ATF1: variants seen among roughly 807,000 people sequenced by gnomAD.
The protein encoded by ATF1 is cyclic AMP-dependent transcription factor ATF-1.
A neutral mutation model predicts 34.7 loss-of-function variants in ATF1; 16 were observed. That is an observed-to-expected ratio of 0.46 (90% CI 0.31 to 0.70). The LOEUF is 0.70. ATF1 is among the 30% of genes least tolerant of loss of function. ATF1 has a pLI of 0.05. For missense variants in ATF1, 255 were observed against 321.6 expected (o/e 0.79, Z 1.58); for synonymous variants, 105 against 113.1 (o/e 0.93, Z 0.46).
intron 1 of ATF1, among the ~76,000 whole-genome samples, chr12:50,772,747 T>G (rs1187619549): frequency 2.6e-5 from 4 of 151,950 alleles, no homozygotes; most frequent in Admixed American, 2.6e-4. Flanking sequence ...GGAGTGCGCC[T>G]AGCCTTTTTT....
intron 6 of ATF1, among the ~76,000 whole-genome samples, chr12:50,817,728 A>G (rs1941871715): frequency 6.6e-6 from 1 of 152,190 alleles, no homozygotes; most frequent in Admixed American, 6.5e-5. Flanking sequence ...TATAAAGAGA[A>G]AGAATTACGA....
In ATF1 at chr12:50,820,981, C is replaced by G. The variant is rs1320718819; in HGVS notation, c.*1202C>G. On this transcript the variant is annotated 3_prime_UTR_variant, in exon 7 of 7. Transcript: ENST00000262053. ...TTTTGTATGCAGTTTATCTAAAATT[C>G]AAAAATACTGTCAGTACACCAGCGT... 1 of 180,266 alleles carries G rather than the reference C, an allele frequency of 5.5e-6. No individual in the cohort carries two copies. The highest frequency in any genetic ancestry group is 6.3e-5 in the Admixed American group (1 of 15,918). The allele number at this position is 180,266 out of a possible 1,614,324, so 11.2% of individuals were successfully genotyped here.
intron 2 of ATF1, among the ~76,000 whole-genome samples, chr12:50,793,973 G>C (rs9739885): frequency 6.6e-6 from 1 of 151,124 alleles, no homozygotes; most frequent in Non-Finnish European, 1.5e-5. Flanking sequence ...TTTTTTGAGC[G>C]GGAGCCTCGC....
At chr12:50,764,815 A>AGCGGGCAACCGACGC (rs1940589254) in intron 1 of ATF1, among the ~76,000 whole-genome samples, 1 of 152,250 alleles carries the variant, frequency 6.6e-6, no homozygotes, top group Non-Finnish European at 1.5e-5. Context: ...CTTGCAGTCT[A>AGCGGGCAACCGACGC]GCGGGCAACC....
intron 3 of ATF1, among the ~76,000 whole-genome samples, chr12:50,806,922 C>G (rs1319484908): frequency 6.6e-6 from 1 of 152,180 alleles, no homozygotes; most frequent in Non-Finnish European, 1.5e-5. Flanking sequence ...TCCTGTGGAA[C>G]TTCTCTTAAT....
intron 1 of ATF1, among the ~76,000 whole-genome samples, chr12:50,770,986 ATTTTGCTTTAC>A (rs1940756019): frequency 6.6e-6 from 1 of 151,658 alleles, no homozygotes; most frequent in Admixed American, 6.6e-5. Flanking sequence ...AACTTTACTT[ATTTTGCTTTAC>A]TCTTTTTTTT....
At chr12:50,811,926 A>G (rs889819658) in intron 4 of ATF1, among the ~76,000 whole-genome samples, 2 of 152,230 alleles carry the variant, frequency 1.3e-5, no homozygotes, top group Non-Finnish European at 2.9e-5. Flanking sequence ...ATTTAGGGCA[A>G]CATAGGCCAA....
At chr12:50,806,510 C>T (rs547241147) in intron 3 of ATF1, 2 of 244,326 alleles carry the variant, frequency 8.2e-6, no homozygotes, top group Admixed American at 7.9e-5. Flanking sequence ...GCCTGCCCCA[C>T]CAGGAGGCTG....
intron 1 of ATF1, among the ~76,000 whole-genome samples, chr12:50,776,304 A>G (rs1482889208): frequency 9.6e-6 from 1 of 103,954 alleles, no homozygotes; most frequent in African/African-American, 3.2e-5. Flanking sequence ...TGACAGAGTG[A>G]GACTCTGTCT....
At chr12:50,772,724 T>C (rs1213898237) in intron 1 of ATF1, among the ~76,000 whole-genome samples, 9 of 152,190 alleles carry the variant, frequency 5.9e-5, no homozygotes, top group African/African-American at 1.9e-4. Context: ...TGTCTCACTT[T>C]GTTACCCAGG....
intron 2 of ATF1, among the ~76,000 whole-genome samples, chr12:50,785,587 G>A (rs1332865878): frequency 1.3e-5 from 2 of 152,112 alleles, no homozygotes; most frequent in Non-Finnish European, 2.9e-5. Flanking sequence ...TTTGCTTTGC[G>A]GTCTCACACC....
chr12:50,767,656 C>T (rs796859001), intron 1 of ATF1, among the ~76,000 whole-genome samples: 4 of 152,346 alleles, frequency 2.6e-5, no homozygotes, highest in African/African-American at 9.6e-5. Flanking sequence ...TGTTTTACGT[C>T]CTTGGGAGCT....
At chr12:50,810,742 A>G (rs1226425812) in intron 4 of ATF1, among the ~76,000 whole-genome samples, 1 of 152,090 alleles carries the variant, frequency 6.6e-6, no homozygotes, top group African/African-American at 2.4e-5. Context: ...GCCACAAAAT[A>G]TATGTCCCAT....
chr12:50,785,375 C>A (rs1227250455), intron 2 of ATF1, among the ~76,000 whole-genome samples: 1 of 149,448 alleles, frequency 6.7e-6, no homozygotes, highest in Non-Finnish European at 1.5e-5. Flanking sequence ...TTGAGATGGA[C>A]AATGCTGGAT....
chr12:50,797,179 G>A lies in ATF1; in HGVS notation c.194+1170G>A, dbSNP rs182767038. On this transcript the variant is annotated intron_variant, in intron 3 of 6. Coordinates refer to ENST00000262053, the MANE Select transcript of ATF1 (RefSeq NM_005171.5). ...AGATAAAAGGAGAGAAGAGGGAAGGGCACTTCCAGCTTCTAGTCTCTCCAG... is the reference window on the plus strand; with the variant it reads ...AGATAAAAGGAGAGAAGAGGGAAGGACACTTCCAGCTTCTAGTCTCTCCAG... 5.3e-5 allele frequency among the ~76,000 whole-genome samples: 8 copies of A among 151,624 alleles called. No individual in the cohort carries two copies. In the East Asian group the frequency reaches 1.6e-3, roughly 30 times the overall value.
Position 50,814,005 on chromosome 12 carries a change from T to C in ATF1, c.329-5T>C. On this transcript the variant is annotated splice_region_variant and splice_polypyrimidine_tract_variant and intron_variant, in intron 4 of 6. Transcript: ENST00000262053. ...ACAATAGCTATTTTCTCTTTTTGAT[T>C]AAAGTTGCCATTGCCCCAAATGGAG... 6.2e-7 allele frequency: 1 copy of C among 1,608,322 alleles called. No individual in the cohort carries two copies. The highest frequency in any genetic ancestry group is 8.5e-7 in the Non-Finnish European group (1 of 1,178,148).
At position 50,820,238 on chromosome 12, in the gene ATF1, G is replaced by A. The variant is rs1400280484; in HGVS notation, c.*459G>A. The A allele has an allele frequency of 5.0e-6, 1 of 199,404 alleles. No individual in the cohort carries two copies. Among genetic ancestry groups the A allele is most frequent in the Non-Finnish European group, 1.0e-5 (1 of 96,852 alleles). The allele number at this position is 199,404 out of a possible 1,614,324, so 12.4% of individuals were successfully genotyped here. A position where few individuals can be genotyped will look rare whatever the true frequency, so the allele number is the denominator to read the frequency against. ...AATTACAAAGGTAAGAGAAAACCTAGTACATTACTAAATATATAAAGTATA... is the reference window on the plus strand; with the variant it reads ...AATTACAAAGGTAAGAGAAAACCTAATACATTACTAAATATATAAAGTATA... On this transcript the variant is annotated 3_prime_UTR_variant, in exon 7 of 7. Transcript: ENST00000262053.
At chr12:50,783,033 CAG>C (rs919542000) in intron 2 of ATF1, among the ~76,000 whole-genome samples, 3 of 151,636 alleles carry the variant, frequency 2.0e-5, no homozygotes, top group Non-Finnish European at 2.9e-5. Flanking sequence ...AGGAAATTTG[CAG>C]AAATGTAAAA....
At chr12:50,785,280 TACATACACACACACACAC>T (rs956701064) in intron 2 of ATF1, among the ~76,000 whole-genome samples, 9 of 86,158 alleles carry the variant, frequency 1.0e-4, no homozygotes, top group African/African-American at 3.6e-4. Context: ...ATTATATATA[TACATACACACACACACAC>T]ACACACACAC....
Sources: gnomAD v4.1 joint callset for allele counts (sites outside exome capture counted in the v4.1 genomes callset) on GRCh38, gnomAD v4.1.1 for gene constraint, MANE v1.5 for transcripts, NCBI Gene and HGNC (gene_info 2026-07-23, HGNC 2026-07-21) for gene names.